Variants in GRIP2 observed in about 807,000 individuals in gnomAD.
The protein encoded by GRIP2 is glutamate receptor-interacting protein 2.
GRIP2 carries 58 observed loss-of-function variants against 108.3 expected under a neutral mutation model. The observed-to-expected ratio is 0.54, with a 90% CI of 0.43 to 0.67. GRIP2 has a LOEUF of 0.67. Among genes scored for constraint, GRIP2 ranks in the 30% least tolerant of loss-of-function variants. The probability of loss-of-function intolerance (pLI) is 0.00; values close to 1 mark genes in which losing one functional copy is unlikely to be tolerated. For synonymous variants in GRIP2, 586 were observed against 598.2 expected, an observed-to-expected ratio of 0.98 and a Z score of 0.30; for missense variants, 1,278 against 1,430.6, an observed-to-expected ratio of 0.89 and a Z score of 1.72.
At chr3:14,497,985 G>T (rs1255030860) in intron 21 of GRIP2, among the ~76,000 whole-genome samples, 2 of 152,050 alleles carry the variant, frequency 1.3e-5, no homozygotes, top group Non-Finnish European at 2.9e-5. Context: ...GGGGAGGATG[G>T]ACTTCTTACT....
At chr3:14,581,955 G>C in the GRIP2 span, among the ~76,000 whole-genome samples, 1 of 152,162 alleles carries the variant, frequency 6.6e-6, no homozygotes, top group East Asian at 1.9e-4. Flanking sequence ...TGAGGAGTAG[G>C]GCAACAGAGG....
the GRIP2 span, among the ~76,000 whole-genome samples, chr3:14,589,326 G>A: frequency 2.0e-5 from 3 of 152,222 alleles, no homozygotes; most frequent in African/African-American, 4.8e-5. Flanking sequence ...GGGGAAAGAT[G>A]TATTCACAGT....
intron 1 of GRIP2, among the ~76,000 whole-genome samples, chr3:14,550,910 G>A (rs1242785486): frequency 6.6e-6 from 1 of 152,280 alleles, no homozygotes; most frequent in African/African-American, 2.4e-5. Context: ...CATGTGCCCC[G>A]CTTCGCCTGC....
the GRIP2 span, among the ~76,000 whole-genome samples, chr3:14,578,720 A>G: frequency 7.1e-6 from 1 of 141,224 alleles, no homozygotes; most frequent in Admixed American, 6.8e-5. Flanking sequence ...CCATCTCAGA[A>G]AAAAAAAAAA....
At chr3:14,591,172 T>C in the GRIP2 span, among the ~76,000 whole-genome samples, 7 of 152,224 alleles carry the variant, frequency 4.6e-5, no homozygotes, top group Non-Finnish European at 8.8e-5. Context: ...GCTCTTTCCT[T>C]CTGGCCAACT....
At chr3:14,580,088 T>C in the GRIP2 span, among the ~76,000 whole-genome samples, 1 of 152,090 alleles carries the variant, frequency 6.6e-6, no homozygotes, top group Non-Finnish European at 1.5e-5. Flanking sequence ...AACTACTGTG[T>C]CCAACACAGG....
chr3:14,571,619 A>G, the GRIP2 span, among the ~76,000 whole-genome samples: 1 of 152,158 alleles, frequency 6.6e-6, no homozygotes, highest in African/African-American at 2.4e-5. Context: ...GTCATCGAGA[A>G]CCAGGGATAA....
At chr3:14,534,856 C>T (rs1200419562) in intron 1 of GRIP2, among the ~76,000 whole-genome samples, 1 of 152,148 alleles carries the variant, frequency 6.6e-6, no homozygotes, top group Non-Finnish European at 1.5e-5. Context: ...TGAGCTTTGA[C>T]AAAGGGAAAA....
upstream of GRIP2, among the ~76,000 whole-genome samples, chr3:14,560,552 T>C (rs1695302899): frequency 6.6e-6 from 1 of 152,122 alleles, no homozygotes; most frequent in Non-Finnish European, 1.5e-5. Context: ...CCCAGTGAGA[T>C]GCTATTCTGG....
At position 14,500,844 on chromosome 3, in the gene GRIP2, G is replaced by A. The variant is rs116410784; in HGVS notation, c.2679+2722C>T. Among the ~76,000 whole-genome samples the A allele has an allele frequency of 3.1e-3, 467 of 152,270 alleles. 1 individual carries two copies. Among genetic ancestry groups the A allele is most frequent in the African/African-American group, 0.01 (434 of 41,544 alleles). On this transcript the variant is annotated intron_variant, in intron 21 of 23. Transcript: ENST00000621039. Reference sequence around the variant, plus strand: ...ATTCTGATAAAACCCCCACGTTCATGAAGTTTGAGCAATTTATAAGAAAGT... The same window carrying A: ...ATTCTGATAAAACCCCCACGTTCATAAAGTTTGAGCAATTTATAAGAAAGT...
the GRIP2 span, among the ~76,000 whole-genome samples, chr3:14,596,433 C>T: frequency 6.6e-6 from 1 of 152,134 alleles, no homozygotes; most frequent in Non-Finnish European, 1.5e-5. Context: ...AAATCAGAAA[C>T]TCTGGTGGTT....
At chr3:14,558,393 T>C (rs1210279525), upstream of GRIP2, among the ~76,000 whole-genome samples, 2 of 152,058 alleles carry the variant, frequency 1.3e-5, no homozygotes, top group Non-Finnish European at 2.9e-5. Context: ...TGCAGACTGT[T>C]AAGTGGCAGA....
At chr3:14,543,197 C>T (rs925841466), upstream of GRIP2, among the ~76,000 whole-genome samples, 1 of 152,200 alleles carries the variant, frequency 6.6e-6, no homozygotes, top group African/African-American at 2.4e-5. Context: ...GGGTCTCGCT[C>T]CTCCAAGTGC....
chr3:14,580,507 G>A, the GRIP2 span, among the ~76,000 whole-genome samples: 1 of 152,274 alleles, frequency 6.6e-6, no homozygotes, highest in Admixed American at 6.5e-5. Flanking sequence ...ACCAGCCTGG[G>A]CAACATAGTG....
chr3:14,522,740 A>T lies in GRIP2; in HGVS notation c.566+260T>A. On this transcript the variant is annotated intron_variant, in intron 6 of 23. Transcript: ENST00000621039. This position sits in a 1 kb window ranked among gnomAD's most constrained non-coding sequence, Gnocchi z 4.3. ...CCAAGGAGCAGGAAAGGGAAGAACG[A>T]CACCAAGGCTGCCCCTCTCCAAACA... 1 of 484,522 alleles carries T rather than the reference A, an allele frequency of 2.1e-6. No homozygotes were observed. Among genetic ancestry groups the T allele is most frequent in the Non-Finnish European group, 3.7e-6 (1 of 269,254 alleles). The allele number at this position is 484,522 out of a possible 1,614,324, so 30.0% of individuals were successfully genotyped here. A position where few individuals can be genotyped will look rare whatever the true frequency, so the allele number is the denominator to read the frequency against.
chr3:14,573,674 G>A, the GRIP2 span: 17 of 1,483,272 alleles, frequency 1.1e-5, no homozygotes, highest in East Asian at 1.1e-4. Context: ...TGTGGTTCCC[G>A]GGGTTGTTTC....
At position 14,491,215 on chromosome 3, in the gene GRIP2, C is replaced by A. The variant is rs1391629406; in HGVS notation, c.*2450G>T. 1 of 152,144 alleles carries A rather than the reference C, an allele frequency of 6.6e-6. No individual in the cohort carries two copies. The highest frequency in any genetic ancestry group is 2.4e-5 in the African/African-American group (1 of 41,430). The allele number at this position is 152,144 out of a possible 1,614,324, so 9.4% of individuals were successfully genotyped here. Reference sequence around the variant, plus strand: ...TAAAAAATCATCCCCATGGCACCTACCCCCAAGCCACTGCAACCCCTGGTG... The same window carrying A: ...TAAAAAATCATCCCCATGGCACCTAACCCCAAGCCACTGCAACCCCTGGTG... On this transcript the variant is annotated 3_prime_UTR_variant, in exon 24 of 24. Transcript: ENST00000621039.
At chr3:14,519,898 C>T (rs182742258) in intron 9 of GRIP2, among the ~76,000 whole-genome samples, 8 of 152,286 alleles carry the variant, frequency 5.3e-5, no homozygotes, top group African/African-American at 1.9e-4. Flanking sequence ...TCTATGCCAG[C>T]AGACTCAATT....
At chr3:14,531,689 C>G (rs1694714628) in intron 1 of GRIP2, among the ~76,000 whole-genome samples, 1 of 152,190 alleles carries the variant, frequency 6.6e-6, no homozygotes, top group African/African-American at 2.4e-5. Flanking sequence ...AGGAAACAGG[C>G]TCAGAAAAGG....
Sources: gnomAD v4.1 joint callset for allele counts (sites outside exome capture counted in the v4.1 genomes callset) on GRCh38, gnomAD v4.1.1 for gene constraint, Gnocchi (gnomAD v3.1) non-coding constraint, MANE v1.5 for transcripts, NCBI Gene and HGNC (gene_info 2026-07-23, HGNC 2026-07-21) for gene names.